Variants in GRIK4 observed in about 807,000 individuals in gnomAD.
GRIK4 encodes glutamate receptor ionotropic, kainate 4.
GRIK4 carries 40 observed loss-of-function variants against 104.9 expected under a neutral mutation model. That is an observed-to-expected ratio of 0.38 (90% CI 0.30 to 0.50). The LOEUF is 0.50. Ranked by LOEUF, GRIK4 falls within the 20% of genes least tolerant of loss-of-function variation. The pLI, the probability that GRIK4 is intolerant of heterozygous loss-of-function variation, is 0.93. For synonymous variants in GRIK4, 485 were observed against 524.9 expected (o/e 0.92, Z 1.04); for missense variants, 1,047 against 1,308.1 (o/e 0.80, Z 3.08).
At chr11:120,676,081 G>T (rs904965698) in intron 3 of GRIK4, among the ~76,000 whole-genome samples, 1 of 152,094 alleles carries the variant, frequency 6.6e-6, no homozygotes, top group African/African-American at 2.4e-5. Flanking sequence ...AGGATGGGGG[G>T]CCCCATTTTC....
At chr11:120,541,767 G>A (rs901832412) in intron 1 of GRIK4, among the ~76,000 whole-genome samples, 1 of 152,092 alleles carries the variant, frequency 6.6e-6, no homozygotes, top group African/African-American at 2.4e-5. Context: ...GAGATTACAG[G>A]CATGAGCCAC....
At chr11:120,601,470 TTGA>T (rs1948885899) in intron 1 of GRIK4, among the ~76,000 whole-genome samples, 1 of 152,126 alleles carries the variant, frequency 6.6e-6, no homozygotes, top group African/African-American at 2.4e-5. Flanking sequence ...GGCAAGTGAC[TTGA>T]TGATTCAATT....
intron 3 of GRIK4, among the ~76,000 whole-genome samples, chr11:120,678,979 G>A (rs1273321981): frequency 6.6e-6 from 1 of 151,672 alleles, no homozygotes; most frequent in African/African-American, 2.4e-5. Flanking sequence ...TTTTTAAAGA[G>A]CCAATCCTTA....
chr11:120,702,705 C>T (rs1216917005), intron 3 of GRIK4, among the ~76,000 whole-genome samples: 1 of 152,084 alleles, frequency 6.6e-6, no homozygotes, highest in Non-Finnish European at 1.5e-5. Context: ...TCTTGAGAGG[C>T]CCAGGGAGAC....
At position 120,902,202 on chromosome 11, in the gene GRIK4, G is replaced by A. The variant is rs2850813; in HGVS notation, c.1273-3088G>A. Among the ~76,000 whole-genome samples, 1,644 of 151,958 alleles carry A rather than the reference G, an allele frequency of 0.011. 23 individuals carry two copies. The highest frequency in any genetic ancestry group is 0.036 in the African/African-American group (1,475 of 41,248). On this transcript the variant is annotated intron_variant, in intron 12 of 20. Transcript: ENST00000527524. The surrounding 1 kb of genome is among the most constrained non-coding windows in gnomAD (Gnocchi z 4.5). ...TTATTGGTTAATGCCAGCAAACATGGAATTGGCTGCCGCTCCCATTCCCTG... is the reference window on the plus strand; with the variant it reads ...TTATTGGTTAATGCCAGCAAACATGAAATTGGCTGCCGCTCCCATTCCCTG...
chr11:120,935,736 C>T (rs1343427214), intron 13 of GRIK4, among the ~76,000 whole-genome samples: 1 of 152,146 alleles, frequency 6.6e-6, no homozygotes, highest in Non-Finnish European at 1.5e-5. Flanking sequence ...CACCCCCATA[C>T]ATAACTAATT....
At chr11:120,951,425 T>C (rs1943998687) in intron 14 of GRIK4, among the ~76,000 whole-genome samples, 2 of 152,230 alleles carry the variant, frequency 1.3e-5, no homozygotes, top group Non-Finnish European at 2.9e-5. Context: ...AGCTCGGTAT[T>C]GGCAAAGGGA....
rs571330637 is a variant in GRIK4 at position 120,783,113 on chromosome 11, C to T, written c.83-19580C>T. Among the ~76,000 whole-genome samples the T allele has an allele frequency of 1.8e-4, 28 of 152,346 alleles. No individual in the cohort carries two copies. The South Asian group carries it at 5.6e-3, about 30-fold the overall frequency. ...CCTAGCGATGCTGCTGAACTCCCTA[C>T]AATGCAGACAGCAGCCCCCCCACAG... is the stretch of plus-strand genomic sequence containing the variant. On this transcript the variant is annotated intron_variant, in intron 3 of 20. Coordinates refer to ENST00000527524, the MANE Select transcript of GRIK4 (RefSeq NM_014619.5).
intron 9 of GRIK4, chr11:120,871,620 G>A (rs976493899): frequency 1.8e-5 from 8 of 456,292 alleles, no homozygotes; most frequent in African/African-American, 1.6e-4. Context: ...CAGACAGGAA[G>A]GGAGTTGGAG....
At chr11:120,595,306 A>T in intron 1 of GRIK4, among the ~76,000 whole-genome samples, 1 of 152,210 alleles carries the variant, frequency 6.6e-6, no homozygotes, top group East Asian at 1.9e-4. Flanking sequence ...TTGTTTTCAC[A>T]TAAAGGTTTC....
chr11:120,748,284 C>T (rs1033986800), intron 3 of GRIK4, among the ~76,000 whole-genome samples: 2 of 152,120 alleles, frequency 1.3e-5, no homozygotes, highest in African/African-American at 4.8e-5. Context: ...CATCTCCTTC[C>T]ACCCCCTGCC....
At chr11:120,749,820 A>C (rs771007860) in intron 3 of GRIK4, among the ~76,000 whole-genome samples, 3 of 152,132 alleles carry the variant, frequency 2.0e-5, no homozygotes, top group African/African-American at 7.2e-5. Flanking sequence ...GGCGGGGGGA[A>C]GTTTCAGAAT....
chr11:120,717,571 C>T (rs192592148), intron 3 of GRIK4, among the ~76,000 whole-genome samples: 4 of 151,674 alleles, frequency 2.6e-5, no homozygotes, highest in Middle Eastern at 3.4e-3. Flanking sequence ...AAAAAAAAAG[C>T]GATGGGAGAA....
chr11:120,808,561 C>T (rs1952763475), intron 4 of GRIK4, among the ~76,000 whole-genome samples: 1 of 152,158 alleles, frequency 6.6e-6, no homozygotes, highest in Non-Finnish European at 1.5e-5. Flanking sequence ...ACCAGGGGGC[C>T]CGTCATGGGG....
chr11:120,568,200 AAAAC>A (rs757020070), intron 1 of GRIK4, among the ~76,000 whole-genome samples: 1 of 152,066 alleles, frequency 6.6e-6, no homozygotes, highest in Non-Finnish European at 1.5e-5. Flanking sequence ...ACAAACAAAC[AAAAC>A]AAACAACTCT....
rs989924361 is a variant in GRIK4 at position 120,967,683 on chromosome 11, C to G, written c.2395+360C>G. 6.6e-6 allele frequency among the ~76,000 whole-genome samples: 1 copy of G among 152,194 alleles called. No homozygotes were observed. Among genetic ancestry groups the G allele is most frequent in the African/African-American group, 2.4e-5 (1 of 41,420 alleles). On this transcript the variant is annotated intron_variant, in intron 19 of 20. Coordinates refer to ENST00000527524, the MANE Select transcript of GRIK4 (RefSeq NM_014619.5). This position sits in a 1 kb window ranked among gnomAD's most constrained non-coding sequence, Gnocchi z 4.2. The stretch of plus-strand genomic sequence containing the variant: ...CATTCTTGCGTCTCTACAGTATATT[C>G]TCCGCTACTAGCCAGAGTGATCCTT...
intron 6 of GRIK4, among the ~76,000 whole-genome samples, chr11:120,827,776 AC>A (rs905905508): frequency 3.9e-5 from 6 of 152,180 alleles, no homozygotes; most frequent in Non-Finnish European, 8.8e-5. Flanking sequence ...TACTAGTTCG[AC>A]TTTCCATCCA....
intron 3 of GRIK4, among the ~76,000 whole-genome samples, chr11:120,802,175 C>T (rs999468197): frequency 6.6e-6 from 1 of 152,146 alleles, no homozygotes; most frequent in Non-Finnish European, 1.5e-5. Flanking sequence ...GTGGCATGGC[C>T]CATCGGTGTC....
intron 1 of GRIK4, among the ~76,000 whole-genome samples, chr11:120,561,649 G>T (rs1948240533): frequency 6.6e-6 from 1 of 152,218 alleles, no homozygotes; most frequent in Admixed American, 6.5e-5. Flanking sequence ...ATGCCTAGGG[G>T]TCGGGAAACA....
Sources: allele counts gnomAD v4.1 joint callset (sites outside exome capture counted in the v4.1 genomes callset), GRCh38; gene constraint gnomAD v4.1.1; non-coding constraint Gnocchi (gnomAD v3.1); transcripts MANE v1.5; gene names NCBI Gene and HGNC (gene_info 2026-07-23, HGNC 2026-07-21).